ZRANB3: variants seen among roughly 807,000 people sequenced by gnomAD.
The protein encoded by ZRANB3 is zinc finger RANBP2-type containing 3, also known as DNA annealing helicase and endonuclease ZRANB3.
ZRANB3 carries 125 observed loss-of-function variants against 133.8 expected under a neutral mutation model. The ratio of observed to expected loss-of-function variants is 0.93; its 90% confidence interval spans 0.81 to 1.08. The LOEUF (loss-of-function observed/expected upper bound fraction) is 1.08. Ranked by LOEUF, ZRANB3 falls within the 50% of genes least tolerant of loss-of-function variation. The pLI is 0.00. For synonymous variants in ZRANB3, 387 were observed against 432.7 expected (o/e 0.89, Z 1.31); for missense variants, 1,229 against 1,275.5 (o/e 0.96, Z 0.56).
At chr2:135,219,877 T>C (rs1694463807) in intron 15 of ZRANB3, among the ~76,000 whole-genome samples, 2 of 151,802 alleles carry the variant, frequency 1.3e-5, no homozygotes, top group Admixed American at 6.6e-5. Flanking sequence ...ATCTTTTTTT[T>C]CCCTTTTTTT....
chr2:135,524,709 G>T (rs1694081938), intron 1 of ZRANB3, among the ~76,000 whole-genome samples: 2 of 152,022 alleles, frequency 1.3e-5, no homozygotes, highest in South Asian at 4.1e-4. Flanking sequence ...AAGATAATGG[G>T]TATGGTACAA....
chr2:135,500,562 A>G (rs1036173385), intron 2 of ZRANB3, among the ~76,000 whole-genome samples: 1 of 152,112 alleles, frequency 6.6e-6, no homozygotes, highest in African/African-American at 2.4e-5. Context: ...AAAGCAATCT[A>G]TAACGTTAGA....
At chr2:135,427,866 G>C (rs934617464) in intron 2 of ZRANB3, among the ~76,000 whole-genome samples, 1 of 152,034 alleles carries the variant, frequency 6.6e-6, no homozygotes, top group African/African-American at 2.4e-5. Context: ...TAGACCAATG[G>C]AACAGAATAG....
intron 6 of ZRANB3, among the ~76,000 whole-genome samples, chr2:135,339,028 C>T (rs1246003310): frequency 6.6e-6 from 1 of 152,092 alleles, no homozygotes; most frequent in African/African-American, 2.4e-5. Context: ...GTAATTCCAG[C>T]ACTTAAGGAT....
chr2:135,478,811 T>G (rs924154820), intron 2 of ZRANB3, among the ~76,000 whole-genome samples: 30 of 152,040 alleles, frequency 2.0e-4, no homozygotes, highest in African/African-American at 7.0e-4. Flanking sequence ...ATTCTTTTGT[T>G]TTATATATAT....
chr2:135,302,820 G>T (rs572466047), intron 8 of ZRANB3, among the ~76,000 whole-genome samples: 1 of 152,154 alleles, frequency 6.6e-6, no homozygotes, highest in South Asian at 2.1e-4. Flanking sequence ...CACTGCGCCC[G>T]GCCCCAACTA....
chr2:135,313,107 A>C (rs1382120061), intron 8 of ZRANB3, among the ~76,000 whole-genome samples: 1 of 151,876 alleles, frequency 6.6e-6, no homozygotes, highest in African/African-American at 2.4e-5. Flanking sequence ...CCCGCATCAA[A>C]ATATACCTGT....
chr2:135,500,370 T>G (rs1485981476), intron 2 of ZRANB3, among the ~76,000 whole-genome samples: 2 of 152,118 alleles, frequency 1.3e-5, no homozygotes, highest in Non-Finnish European at 2.9e-5. Context: ...AAACTAGAAA[T>G]AACCCAAATG....
chr2:135,384,903 A>C (rs542687214), intron 3 of ZRANB3, among the ~76,000 whole-genome samples: 3 of 152,182 alleles, frequency 2.0e-5, no homozygotes, highest in Non-Finnish European at 4.4e-5. Flanking sequence ...AATGGGCAAA[A>C]ACTGGAAGCA....
At chr2:135,334,479 C>T (rs563448599) in intron 6 of ZRANB3, among the ~76,000 whole-genome samples, 2 of 152,074 alleles carry the variant, frequency 1.3e-5, no homozygotes, top group East Asian at 3.8e-4. Context: ...CTCTCAGATT[C>T]GAACCATTTG....
intron 2 of ZRANB3, among the ~76,000 whole-genome samples, chr2:135,449,601 CAG>C (rs1459942389): frequency 6.6e-6 from 1 of 152,170 alleles, no homozygotes; most frequent in Non-Finnish European, 1.5e-5. Flanking sequence ...GCTTGGGTAA[CAG>C]AGTGAGATTC....
chr2:135,407,373 A>G (rs1688089203), intron 2 of ZRANB3, among the ~76,000 whole-genome samples: 1 of 152,066 alleles, frequency 6.6e-6, no homozygotes, highest in Non-Finnish European at 1.5e-5. Context: ...GGAAGAATCA[A>G]TATCGTGAAA....
chr2:135,409,142 T>C (rs1309408394), intron 2 of ZRANB3, among the ~76,000 whole-genome samples: 2 of 151,948 alleles, frequency 1.3e-5, no homozygotes, highest in African/African-American at 4.8e-5. Context: ...AGCAGACACA[T>C]CATATGGCAA....
Position 135,417,974 on chromosome 2 carries a change from C to G in ZRANB3, c.162-27154G>C, listed in dbSNP as rs574705564. ...GGGGACTGTTGTGGGGTGGGGGAAG[C>G]GGGGAGGGATAGCATTAGGAGATAT... On this transcript the variant is annotated intron_variant, in intron 2 of 20. Coordinates refer to ENST00000264159, the MANE Select transcript of ZRANB3 (RefSeq NM_032143.4). Among the ~76,000 whole-genome samples the G allele has an allele frequency of 2.9e-3, 445 of 151,776 alleles. 2 individuals carry two copies. The highest frequency in any genetic ancestry group is 0.01 in the African/African-American group (420 of 41,416).
intron 3 of ZRANB3, among the ~76,000 whole-genome samples, chr2:135,373,800 A>AGAGGG (rs140153444): frequency 0.02 from 279 of 14,166 alleles, 78 homozygotes; most frequent in Non-Finnish European, 0.028. Context: ...AAGAAAAGAA[A>AGAGGG]GAGGGGAGGG....
intron 6 of ZRANB3, among the ~76,000 whole-genome samples, chr2:135,321,558 C>T (rs529120422): frequency 6.6e-6 from 1 of 151,420 alleles, no homozygotes; most frequent in Admixed American, 6.6e-5. Context: ...ACTGCAATCT[C>T]CACCTGCCAG....
chr2:135,478,205 T>A (rs1032609513), intron 2 of ZRANB3, among the ~76,000 whole-genome samples: 1 of 152,104 alleles, frequency 6.6e-6, no homozygotes, highest in African/African-American at 2.4e-5. Context: ...ATACATTGTA[T>A]GTATATATAA....
At chr2:135,448,319 C>T (rs1690121114) in intron 2 of ZRANB3, among the ~76,000 whole-genome samples, 2 of 152,164 alleles carry the variant, frequency 1.3e-5, no homozygotes, top group African/African-American at 4.8e-5. Flanking sequence ...GTTGAGTTGA[C>T]ATCAATAAAA....
chr2:135,356,830 G>T (rs1685459885), intron 3 of ZRANB3, among the ~76,000 whole-genome samples: 1 of 151,870 alleles, frequency 6.6e-6, no homozygotes, highest in Non-Finnish European at 1.5e-5. Flanking sequence ...TCAGCCCCCT[G>T]GGTAGCCAGG....
Sources: gnomAD v4.1 joint callset for allele counts (sites outside exome capture counted in the v4.1 genomes callset) on GRCh38, gnomAD v4.1.1 for gene constraint, MANE v1.5 for transcripts, NCBI Gene and HGNC (gene_info 2026-07-23, HGNC 2026-07-21) for gene names.